Variants in RORA observed in about 807,000 individuals in gnomAD.
RORA encodes RAR related orphan receptor A.
In RORA, 7 loss-of-function variants were observed where a neutral mutation model predicts 69.5. That is an observed-to-expected ratio of 0.10 (90% CI 0.06 to 0.19). RORA has a LOEUF of 0.19. RORA is among the 10% of genes least tolerant of loss of function. RORA has a pLI of 1.00. For synonymous variants in RORA, 261 were observed against 240.8 expected (o/e 1.08, Z -0.78); for missense variants, 457 against 663.0 (o/e 0.69, Z 3.41).
intron 1 of RORA, among the ~76,000 whole-genome samples, chr15:61,189,243 T>C (rs1416221000): frequency 6.6e-6 from 1 of 152,180 alleles, no homozygotes; most frequent in Admixed American, 6.5e-5. Context: ...TTATAAAAGA[T>C]TTAAAAATGA....
chr15:61,016,853 A>G (rs1435504255), intron 1 of RORA, among the ~76,000 whole-genome samples: 2 of 152,212 alleles, frequency 1.3e-5, no homozygotes, highest in Admixed American at 1.3e-4. Context: ...CTTACTTTTA[A>G]AGTAAAATGG....
At chr15:60,963,362 A>G (rs981236542) in intron 1 of RORA, among the ~76,000 whole-genome samples, 1 of 152,236 alleles carries the variant, frequency 6.6e-6, no homozygotes, top group Non-Finnish European at 1.5e-5. Context: ...TTGACTAAGC[A>G]GAGGTCTTAG....
chr15:60,883,786 AG>A (rs1412460712), intron 1 of RORA, among the ~76,000 whole-genome samples: 3 of 152,272 alleles, frequency 2.0e-5, no homozygotes, highest in African/African-American at 7.2e-5. Flanking sequence ...TAAGTAAAAA[AG>A]AAAAATGGAG....
intron 2 of RORA, among the ~76,000 whole-genome samples, chr15:60,553,127 G>T (rs1430497877): frequency 2.0e-5 from 3 of 152,086 alleles, no homozygotes; most frequent in Non-Finnish European, 1.5e-5. Context: ...AATTGTAACT[G>T]CTATTACTAT....
intron 2 of RORA, among the ~76,000 whole-genome samples, chr15:60,662,025 G>C (rs2070311647): frequency 6.6e-6 from 1 of 152,124 alleles, no homozygotes; most frequent in South Asian, 2.1e-4. Context: ...TCTCCTATTG[G>C]GATCTCCCAT....
rs1042939919 is a variant in RORA at position 60,977,829 on chromosome 15, G to C, written c.166+251224C>G. On this transcript the variant is annotated intron_variant, in intron 1 of 10. Coordinates refer to ENST00000335670, the MANE Select transcript of RORA (RefSeq NM_134261.3). The stretch of plus-strand genomic sequence containing the variant: ...TAGCTGAATAATATTCCTCTGCATG[G>C]AGATACCAGATTTTGCATGCCCATT... 5.9e-5 allele frequency among the ~76,000 whole-genome samples: 9 copies of C among 152,096 alleles called. No individual in the cohort carries two copies. The East Asian group carries it at 1.7e-3, about 29-fold the overall frequency.
intron 1 of RORA, among the ~76,000 whole-genome samples, chr15:60,943,541 T>C (rs1277734933): frequency 6.6e-6 from 1 of 151,986 alleles, no homozygotes; most frequent in African/African-American, 2.4e-5. Flanking sequence ...AGACAGAAGG[T>C]CTTGGCCCAA....
intron 1 of RORA, among the ~76,000 whole-genome samples, chr15:60,997,201 T>A (rs1894578854): frequency 6.6e-6 from 1 of 152,196 alleles, no homozygotes; most frequent in Admixed American, 6.5e-5. Flanking sequence ...TTTGTTTGAA[T>A]TATACTGATT....
intron 3 of RORA, chr15:60,520,125 C>G (rs1010635310): frequency 6.6e-6 from 1 of 152,178 alleles, no homozygotes; most frequent in Non-Finnish European, 1.5e-5. Context: ...ACTAAGTCAG[C>G]TGAACAAATG....
At chr15:60,934,719 C>T (rs1216143132) in intron 1 of RORA, among the ~76,000 whole-genome samples, 1 of 152,182 alleles carries the variant, frequency 6.6e-6, no homozygotes, top group Non-Finnish European at 1.5e-5. Context: ...CTTTGAGAAC[C>T]ACTGTATTGG....
At chr15:60,868,220 G>C (rs558744185) in intron 1 of RORA, among the ~76,000 whole-genome samples, 2 of 152,272 alleles carry the variant, frequency 1.3e-5, no homozygotes, top group South Asian at 4.1e-4. Flanking sequence ...GAGCTGGCTG[G>C]AGAAGAACTG....
intron 2 of RORA, among the ~76,000 whole-genome samples, chr15:60,576,766 G>A (rs2051570829): frequency 6.6e-6 from 1 of 152,104 alleles, no homozygotes. Flanking sequence ...TTGCATGGTC[G>A]CAGGCCTGCA....
At chr15:60,517,694 C>T (rs1371178439) in intron 3 of RORA, among the ~76,000 whole-genome samples, 1 of 152,194 alleles carries the variant, frequency 6.6e-6, no homozygotes, top group Non-Finnish European at 1.5e-5. Context: ...TTATCTCTTT[C>T]TTGAGACTCT....
chr15:60,792,499 T>C (rs747515575), intron 1 of RORA, among the ~76,000 whole-genome samples: 6 of 152,114 alleles, frequency 3.9e-5, no homozygotes, highest in Non-Finnish European at 5.9e-5. Context: ...AAACAATATC[T>C]AGACAAACCA....
At position 61,226,256 on chromosome 15, in the gene RORA, AG is replaced by A. The variant is rs2140952612; in HGVS notation, c.166+2796del. Among the ~76,000 whole-genome samples the A allele has an allele frequency of 6.6e-6, 1 of 152,302 alleles. No homozygotes were observed. Among genetic ancestry groups the A allele is most frequent in the African/African-American group, 2.4e-5 (1 of 41,558 alleles). On this transcript the variant is annotated intron_variant, in intron 1 of 10. Transcript: ENST00000335670. This position sits in a 1 kb window ranked among gnomAD's most constrained non-coding sequence, Gnocchi z 4.2. ...TTGGAAAGTATCTCCCAAATCAGAA[AG>A]CTTCCCATTTCACCCAATGCCAAGA...
At chr15:61,102,150 G>C (rs2078889206) in intron 1 of RORA, among the ~76,000 whole-genome samples, 2 of 152,142 alleles carry the variant, frequency 1.3e-5, no homozygotes, top group South Asian at 4.2e-4. Context: ...TTGCCCCACT[G>C]AGGAAAGTGG....
intron 1 of RORA, among the ~76,000 whole-genome samples, chr15:60,918,062 A>G (rs1229277176): frequency 6.6e-6 from 1 of 152,158 alleles, no homozygotes; most frequent in Non-Finnish European, 1.5e-5. Flanking sequence ...CCTTTCGACA[A>G]CCCCAGGAGG....
At chr15:60,827,159 A>T (rs187328974) in intron 1 of RORA, among the ~76,000 whole-genome samples, 1 of 152,296 alleles carries the variant, frequency 6.6e-6, no homozygotes, top group African/African-American at 2.4e-5. Context: ...CTTAGTATCT[A>T]CCTGAGGTCC....
At chr15:60,671,820 C>G (rs767594081) in intron 2 of RORA, among the ~76,000 whole-genome samples, 7 of 152,026 alleles carry the variant, frequency 4.6e-5, no homozygotes, top group Non-Finnish European at 8.8e-5. Context: ...CCATGTTGGC[C>G]AGGCTGGTCT....
Sources: gnomAD v4.1 joint callset for allele counts (sites outside exome capture counted in the v4.1 genomes callset) on GRCh38, gnomAD v4.1.1 for gene constraint, Gnocchi (gnomAD v3.1) non-coding constraint, MANE v1.5 for transcripts, NCBI Gene and HGNC (gene_info 2026-07-23, HGNC 2026-07-21) for gene names.